ZNF516: variants seen among roughly 807,000 people sequenced by gnomAD.
ZNF516 encodes zinc finger protein 516.
A neutral mutation model predicts 79.7 loss-of-function variants in ZNF516; 19 were observed. The observed-to-expected ratio is 0.24, with a 90% CI of 0.17 to 0.35. The LOEUF is 0.35. Among genes scored for constraint, ZNF516 ranks in the 10% least tolerant of loss-of-function variants. The pLI, the probability that ZNF516 is intolerant of heterozygous loss-of-function variation, is 1.00. For missense variants in ZNF516, 1,678 were observed against 1,679.5 expected (o/e 1.00, Z 0.02); for synonymous variants, 877 against 739.5 (o/e 1.19, Z -3.02).
chr18:76,423,323 A>G (rs2075533471), intron 3 of ZNF516, among the ~76,000 whole-genome samples: 1 of 152,250 alleles, frequency 6.6e-6, no homozygotes, highest in South Asian at 2.1e-4. Context: ...CTCGTTAATA[A>G]GTCCGCAATG....
At chr18:76,483,411 A>AC (rs1319285505) in intron 1 of ZNF516, among the ~76,000 whole-genome samples, 1 of 151,644 alleles carries the variant, frequency 6.6e-6, no homozygotes, top group Non-Finnish European at 1.5e-5. Context: ...GCCATGATCC[A>AC]CTCTGTCTCT....
chr18:76,442,978 A>G lies in ZNF516; in HGVS notation c.77T>C (p.Val26Ala), dbSNP rs753619621. 3.1e-6 allele frequency: 5 copies of G among 1,605,054 alleles called. No homozygotes were observed. The South Asian group carries it at 4.4e-5, about 14-fold the overall frequency. ...SPTRAGRGHEVDGDKATCHTC... is the reference protein window; with the variant it reads ...SPTRAGRGHEADGDKATCHTC... The stretch of plus-strand genomic sequence containing the variant: ...GTGGCAGGTAGCCTTGTCCCCATCC[A>G]CCTCGTGGCCCCGGCCGGCCCTGGT... The change falls in exon 3 of 7, where the codon GTG (valine) becomes GCG (alanine). Residue 26 changes from valine (V) to alanine (A), a missense_variant. Val to Ala is a moderately conservative substitution (Grantham distance 64). Transcript: ENST00000443185.
intron 1 of ZNF516, among the ~76,000 whole-genome samples, chr18:76,484,703 A>G (rs1027895384): frequency 1.3e-5 from 2 of 152,206 alleles, no homozygotes; most frequent in East Asian, 3.8e-4. Context: ...TGGTTTGTAA[A>G]TCATCTCCCA....
In ZNF516 at chr18:76,379,840, G is replaced by A. The variant is rs559605701; in HGVS notation, c.2274C>T (p.Val758=). ...ETASSLQAAL[V]VHPCPYCSHK... ...GGCTGCAGTAAGGACACGGGTGAAC[G>A]ACTAAAGCCGCCTGCAGGGAGGAGG... Residue 758 remains valine (V), a synonymous_variant, in exon 4 of 7, where the codon GTC becomes GTT. Coordinates refer to ENST00000443185, the MANE Select transcript of ZNF516 (RefSeq NM_014643.4). The A allele has an allele frequency of 1.1e-5, 18 of 1,613,806 alleles. No homozygotes were observed. The highest frequency in any genetic ancestry group is 5.5e-5 in the South Asian group (5 of 91,058).
At chr18:76,369,879 G>A (rs1263567111) in intron 6 of ZNF516, among the ~76,000 whole-genome samples, 1 of 152,216 alleles carries the variant, frequency 6.6e-6, no homozygotes, top group Non-Finnish European at 1.5e-5. Flanking sequence ...CTCTCAGCCT[G>A]AGAGAATGCA....
intron 2 of ZNF516, among the ~76,000 whole-genome samples, chr18:76,454,009 C>T (rs914773674): frequency 6.6e-6 from 1 of 152,216 alleles, no homozygotes; most frequent in Admixed American, 6.5e-5. Context: ...GCAATTAATA[C>T]CTATCTGACA....
chr18:76,478,907 T>C (rs933418966), intron 1 of ZNF516, among the ~76,000 whole-genome samples: 2 of 151,940 alleles, frequency 1.3e-5, no homozygotes, highest in Non-Finnish European at 2.9e-5. Context: ...AATACAAAAA[T>C]TAGCTGGGCA....
upstream of ZNF516, chr18:76,495,848 C>A: frequency 1.3e-6 from 1 of 747,436 alleles, no homozygotes; most frequent in Non-Finnish European, 1.7e-6. Context: ...GTAAATGCCT[C>A]TGGGGGTGTT....
intron 5 of ZNF516, 95 bp downstream of exon 5, chr18:76,371,372 T>C (rs1208640975): frequency 1.6e-5 from 21 of 1,279,696 alleles, no homozygotes; most frequent in Non-Finnish European, 2.3e-5. Flanking sequence ...GGCTGAAATC[T>C]CAGTATCTCC....
Position 76,451,512 on chromosome 18 carries a change from C to T in ZNF516, c.-157-8301G>A, listed in dbSNP as rs1304836204. ...ATATTTACAGGGCTGTCTGCAAAGG[C>T]GTATGATGGCTCCAAAAGGCAAATC... On this transcript the variant is annotated intron_variant, in intron 2 of 6. Coordinates refer to ENST00000443185, the MANE Select transcript of ZNF516 (RefSeq NM_014643.4). The surrounding 1 kb of genome is among the most constrained non-coding windows in gnomAD (Gnocchi z 6.0). Among the ~76,000 whole-genome samples the T allele has an allele frequency of 1.3e-5, 2 of 152,328 alleles. No individual in the cohort carries two copies. The highest frequency in any genetic ancestry group is 4.1e-4 in the South Asian group (2 of 4,828).
In ZNF516 at chr18:76,449,045, G is replaced by A. The variant is rs147624455; in HGVS notation, c.-157-5834C>T. On this transcript the variant is annotated intron_variant, in intron 2 of 6. Transcript: ENST00000443185. Reference sequence around the variant, plus strand: ...AGCACAAAACACCAGGTCCTCCCTGGCTCCTCCCTCCCCATCTCAGCAGTG... The same window carrying A: ...AGCACAAAACACCAGGTCCTCCCTGACTCCTCCCTCCCCATCTCAGCAGTG... 9.2e-5 allele frequency among the ~76,000 whole-genome samples: 14 copies of A among 152,160 alleles called. No homozygotes were observed. The East Asian group carries it at 2.7e-3, about 29-fold the overall frequency.
At position 76,443,107 on chromosome 18, in the gene ZNF516, T is replaced by C. The variant is rs976530022; in HGVS notation, c.-53A>G. ...CGGCACAGCTTTCTGTCGCGCGGGC[T>C]GCAGGGACCGTCCTATCTCTCCATG... On this transcript the variant is annotated 5_prime_UTR_variant, in exon 3 of 7. Coordinates refer to ENST00000443185, the MANE Select transcript of ZNF516 (RefSeq NM_014643.4). 6.6e-7 allele frequency: 1 copy of C among 1,523,778 alleles called. No homozygotes were observed. Among genetic ancestry groups the C allele is most frequent in the Non-Finnish European group, 8.7e-7 (1 of 1,143,452 alleles). 94.4% of individuals were successfully genotyped at this position (1,523,778 alleles called of 1,614,324 possible). A position where few individuals can be genotyped will look rare whatever the true frequency, so the allele number is the denominator to read the frequency against.
At chr18:76,404,895 G>T (rs674100) in intron 3 of ZNF516, among the ~76,000 whole-genome samples, 151,600 of 152,264 alleles carry the variant, frequency 1, 75,474 homozygotes, top group Middle Eastern at 1. Context: ...ACTGTGAGTA[G>T]GAGCGTGTGT....
intron 3 of ZNF516, among the ~76,000 whole-genome samples, chr18:76,406,932 C>T (rs1447805300): frequency 2.6e-5 from 4 of 151,222 alleles, no homozygotes; most frequent in Non-Finnish European, 4.4e-5. Context: ...CCGGAGTCCC[C>T]GTGCTCCTGC....
chr18:76,389,585 C>T (rs906133301), intron 3 of ZNF516, among the ~76,000 whole-genome samples: 1 of 152,136 alleles, frequency 6.6e-6, no homozygotes, highest in Non-Finnish European at 1.5e-5. Context: ...ACGGAAACGA[C>T]CCAAAAATTG....
At chr18:76,374,898 G>A (rs147678615) in intron 4 of ZNF516, among the ~76,000 whole-genome samples, 95 of 152,168 alleles carry the variant, frequency 6.2e-4, no homozygotes, top group African/African-American at 2.0e-3. Flanking sequence ...AATAAGACAC[G>A]TCAAAAAGAT....
intron 1 of ZNF516, among the ~76,000 whole-genome samples, chr18:76,489,937 T>C (rs539557234): frequency 6.6e-6 from 1 of 152,358 alleles, no homozygotes; most frequent in South Asian, 2.1e-4. Flanking sequence ...GGCATCCCCA[T>C]TCCTCTTGGT....
chr18:76,399,572 T>C (rs2075190977), intron 3 of ZNF516, among the ~76,000 whole-genome samples: 1 of 152,228 alleles, frequency 6.6e-6, no homozygotes, highest in Non-Finnish European at 1.5e-5. Context: ...GACTTGAAAA[T>C]GCTCTCCATG....
At chr18:76,417,930 G>C (rs2848961) in intron 3 of ZNF516, among the ~76,000 whole-genome samples, 85,472 of 152,048 alleles carry the variant, frequency 0.56, 24,231 homozygotes, top group South Asian at 0.68. Flanking sequence ...AGGATTCTCG[G>C]CCAGAGGGTC....
Sources: gnomAD v4.1 joint callset for allele counts (sites outside exome capture counted in the v4.1 genomes callset) on GRCh38, gnomAD v4.1.1 for gene constraint, Gnocchi (gnomAD v3.1) non-coding constraint, MANE v1.5 for transcripts, NCBI Gene and HGNC (gene_info 2026-07-23, HGNC 2026-07-21) for gene names.